Variants in COL20A1 observed in about 807,000 individuals in gnomAD.
The protein encoded by COL20A1 is collagen type XX alpha 1 chain.
In COL20A1, 164 loss-of-function variants were observed where a neutral mutation model predicts 152.9. That is an observed-to-expected ratio of 1.07 (90% CI 0.94 to 1.22). The LOEUF (loss-of-function observed/expected upper bound fraction) is 1.22. COL20A1 is among the 50% of genes most tolerant of loss of function. COL20A1 has a pLI of 0.00. For missense variants in COL20A1, 1,873 were observed against 1,744.8 expected, an observed-to-expected ratio of 1.07 and a Z score of -1.31; for synonymous variants, 864 against 756.0, an observed-to-expected ratio of 1.14 and a Z score of -2.34.
intron 26 of COL20A1, 69 bp from the exon 27 acceptor site, chr20:63,321,989 G>A: frequency 2.2e-6 from 3 of 1,336,108 alleles, no homozygotes; most frequent in Non-Finnish European, 3.1e-6. Flanking sequence ...TGGGGCTCAG[G>A]GGCTGGTCTT....
At position 63,305,055 on chromosome 20, in the gene COL20A1, C is replaced by T. The variant is rs949826718; in HGVS notation, c.194-362C>T. Among the ~76,000 whole-genome samples the T allele has an allele frequency of 6.6e-6, 1 of 152,174 alleles. No homozygotes were observed. The highest frequency in any genetic ancestry group is 1.5e-5 in the Non-Finnish European group (1 of 68,036). On this transcript the variant is annotated intron_variant, in intron 3 of 35. Coordinates refer to ENST00000358894, the MANE Select transcript of COL20A1 (RefSeq NM_020882.4). This position sits in a 1 kb window ranked among gnomAD's most constrained non-coding sequence, Gnocchi z 4.9. The stretch of plus-strand genomic sequence containing the variant: ...GTGGGAGTGGGCAGGGCCCTGGCCC[C>T]GGACTCTTCCTTCTTGGACCTGGCC...
intron 20 of COL20A1, among the ~76,000 whole-genome samples, chr20:63,315,977 T>C (rs1436150285): frequency 2.6e-5 from 4 of 152,190 alleles, no homozygotes; most frequent in Admixed American, 2.6e-4. Flanking sequence ...GGAAAGGAGC[T>C]GGGGCTTCGA....
chr20:63,325,125 C>T (rs1329830690), intron 27 of COL20A1: 1 of 496,034 alleles, frequency 2.0e-6, no homozygotes, highest in South Asian at 1.9e-5. Context: ...TGGGGCTGCC[C>T]CTGCTCCTTT....
chr20:63,307,620 T>G lies in COL20A1; in HGVS notation c.627T>G (p.Phe209Leu). ...TCCTGGCCAGTGTCATCGCACCCTT[T>G]GAAATCGGGCCGGATAAGGTCCAAG... ...KDFLASVIAP[F>L]EIGPDKVQVG... The change falls in exon 6 of 36, where the codon TTT (phenylalanine) becomes TTG (leucine). Residue 209 changes from phenylalanine to leucine, a missense_variant. Phe to Leu is a conservative substitution (Grantham distance 22, BLOSUM62 0). Transcript: ENST00000358894. The G allele has an allele frequency of 6.2e-7, 1 of 1,612,502 alleles. No homozygotes were observed. The highest frequency in any genetic ancestry group is 8.5e-7 in the Non-Finnish European group (1 of 1,179,696).
chr20:63,322,654 C>A (rs538770910), intron 27 of COL20A1, among the ~76,000 whole-genome samples: 17 of 152,378 alleles, frequency 1.1e-4, no homozygotes, highest in East Asian at 1.9e-4. Flanking sequence ...AGCAGCCCCC[C>A]ACCCCAGGCG....
rs1271170066 is a variant in COL20A1, at chr20:63,331,546, C to T, written c.*830C>T. ...CTGCCCAGGTCTCTCCCAACCATCA[C>T]AGACGCTGTGTGAGCCTGGACTTCC... On this transcript the variant is annotated 3_prime_UTR_variant, in exon 36 of 36. Coordinates refer to ENST00000358894, the MANE Select transcript of COL20A1 (RefSeq NM_020882.4). The T allele has an allele frequency of 6.6e-6, 1 of 152,356 alleles. No homozygotes were observed. Among genetic ancestry groups the T allele is most frequent in the East Asian group, 1.9e-4 (1 of 5,196 alleles). 9.4% of individuals were successfully genotyped at this position (152,356 alleles called of 1,614,324 possible). A position where few individuals can be genotyped will look rare whatever the true frequency, so the allele number is the denominator to read the frequency against.
At chr20:63,310,267 GGGGCACCC>G in intron 10 of COL20A1, 106 bp from the exon 11 acceptor site, 5 of 1,195,972 alleles carry the variant, frequency 4.2e-6, no homozygotes, top group Non-Finnish European at 5.9e-6. Flanking sequence ...TGTGGGAAGT[GGGGCACCC>G]TGCGGGCCCC....
chr20:63,330,236 T>A (rs925273281), intron 35 of COL20A1, among the ~76,000 whole-genome samples: 2 of 152,000 alleles, frequency 1.3e-5, no homozygotes, highest in African/African-American at 4.8e-5. Flanking sequence ...GGGGACAGGG[T>A]CCCAGGAGCA....
In COL20A1 at chr20:63,331,665, G is replaced by A. The variant is rs1314398266; in HGVS notation, c.*949G>A. 6.6e-6 allele frequency: 1 copy of A among 152,210 alleles called. No individual in the cohort carries two copies. The highest frequency in any genetic ancestry group is 2.4e-5 in the African/African-American group (1 of 41,440). The allele number at this position is 152,210 out of a possible 1,614,324, so 9.4% of individuals were successfully genotyped here. On this transcript the variant is annotated 3_prime_UTR_variant, in exon 36 of 36. Transcript: ENST00000358894. Reference sequence around the variant, plus strand: ...CTTGTGGCCCGTGGGGGTGATGTGGGAACTTCTACTTCCTTTCCAAACAAA... The same window carrying A: ...CTTGTGGCCCGTGGGGGTGATGTGGAAACTTCTACTTCCTTTCCAAACAAA...
rs2068039138 is a variant in COL20A1, at chr20:63,313,224, C to T, written c.2184C>T (p.Asp728=). 1 of 1,611,834 alleles carries T rather than the reference C, an allele frequency of 6.2e-7. No individual in the cohort carries two copies. Among genetic ancestry groups the T allele is most frequent in the Non-Finnish European group, 8.5e-7 (1 of 1,179,252 alleles). ...LAYYRDGARS[D]PVSLRYTPST... is the part of the protein sequence containing the mutation. ...ACTACAGGGACGGGGCCCGCAGTGACCCTGTGTCCCTCCGCTATACCCCCT... is the reference window on the plus strand; with the variant it reads ...ACTACAGGGACGGGGCCCGCAGTGATCCTGTGTCCCTCCGCTATACCCCCT... The change falls in exon 17 of 36, where the codon GAC becomes GAT. Residue 728 remains aspartate, a synonymous_variant. Coordinates refer to ENST00000358894, the MANE Select transcript of COL20A1 (RefSeq NM_020882.4). The surrounding 1 kb of genome is among the most constrained non-coding windows in gnomAD (Gnocchi z 5.9).
At chr20:63,308,131 A>G in intron 7 of COL20A1, 41 bp downstream of exon 7, 2 of 1,581,220 alleles carry the variant, frequency 1.3e-6, no homozygotes, top group Non-Finnish European at 1.7e-6. Flanking sequence ...CTGAGGGCGG[A>G]CCTCCTTCTG....
At chr20:63,323,324 G>T (rs1425025632) in intron 27 of COL20A1, among the ~76,000 whole-genome samples, 1 of 152,226 alleles carries the variant, frequency 6.6e-6, no homozygotes, top group South Asian at 2.1e-4. Flanking sequence ...TGTTTGCGAC[G>T]TGCGTTTCCA....
Position 63,293,277 on chromosome 20 carries a change from T to G in COL20A1, c.-11+2T>G, listed in dbSNP as rs1260953759. 6.6e-6 allele frequency: 1 copy of G among 151,484 alleles called. No homozygotes were observed. Among genetic ancestry groups the G allele is most frequent in the Non-Finnish European group, 1.5e-5 (1 of 67,954 alleles). The allele number at this position is 151,484 out of a possible 1,614,324, so 9.4% of individuals were successfully genotyped here. On this transcript the variant is annotated splice_donor_variant, in intron 1 of 35. Coordinates refer to ENST00000358894, the MANE Select transcript of COL20A1 (RefSeq NM_020882.4). LOFTEE classifies it low-confidence loss of function (5UTR_SPLICE). Reference sequence around the variant, plus strand: ...CTGGGGTCCCAGGAGTAGGAGGAGGTGGGTGACTTCCCTGTGGTCCTGAGG... The same window carrying G: ...CTGGGGTCCCAGGAGTAGGAGGAGGGGGGTGACTTCCCTGTGGTCCTGAGG...
rs539092169 is a variant in COL20A1 at position 63,305,797 on chromosome 20, G to A, written c.338-84G>A. 4.3e-5 allele frequency: 60 copies of A among 1,393,584 alleles called. No homozygotes were observed. Among genetic ancestry groups the A allele is most frequent in the African/African-American group, 2.9e-4 (20 of 70,162 alleles). The allele number at this position is 1,393,584 out of a possible 1,614,324, so 86.3% of individuals were successfully genotyped here. ...CTGGGCCCTCAGCACCCACAGATGC[G>A]CCCTTGAAGGGGTGTATGTGCAGCT... On this transcript the variant is annotated intron_variant, in intron 4 of 35. Transcript: ENST00000358894. The surrounding 1 kb of genome is among the most constrained non-coding windows in gnomAD (Gnocchi z 4.9).
At chr20:63,297,663 G>A (rs2067815343) in intron 2 of COL20A1, among the ~76,000 whole-genome samples, 1 of 152,228 alleles carries the variant, frequency 6.6e-6, no homozygotes, top group Non-Finnish European at 1.5e-5. Context: ...AAAGCTACCA[G>A]GGTGGCCCTG....
intron 5 of COL20A1, among the ~76,000 whole-genome samples, 185 bp from the exon 6 acceptor site, chr20:63,307,305 G>A (rs755221035): frequency 4.6e-5 from 7 of 152,240 alleles, no homozygotes; most frequent in African/African-American, 1.7e-4. Context: ...GCGGTGGCTC[G>A]ATGTGCAGCC....
Position 63,313,385 on chromosome 20 carries a change from G to A in COL20A1, c.2209+136G>A. The A allele has an allele frequency of 1.0e-6, 1 of 981,520 alleles. No homozygotes were observed. The highest frequency in any genetic ancestry group is 1.5e-6 in the Non-Finnish European group (1 of 679,612). 60.8% of individuals were successfully genotyped at this position (981,520 alleles called of 1,614,324 possible). A position where few individuals can be genotyped will look rare whatever the true frequency, so the allele number is the denominator to read the frequency against. ...CTCCAGAGCCCTGATCACTGGGCCT[G>A]GTCGTTGGAGTCTGCAGCACTTCCT... On this transcript the variant is annotated intron_variant, in intron 17 of 35. Transcript: ENST00000358894. The surrounding 1 kb of genome is among the most constrained non-coding windows in gnomAD (Gnocchi z 5.9).
chr20:63,328,527 A>T (rs2068288321), intron 34 of COL20A1, 29 bp downstream of exon 34: 2 of 1,587,586 alleles, frequency 1.3e-6, no homozygotes, highest in South Asian at 2.2e-5. Context: ...TTGGGGAGGG[A>T]GTTGTGGCCG....
At chr20:63,326,205 G>A (rs1256231818) in intron 30 of COL20A1, 56 bp downstream of exon 30, 2 of 1,449,650 alleles carry the variant, frequency 1.4e-6, no homozygotes, top group African/African-American at 1.4e-5. Context: ...GTGTTCCAGG[G>A]GTCAGGCAGA....
Sources: allele counts gnomAD v4.1 joint callset (sites outside exome capture counted in the v4.1 genomes callset), GRCh38; gene constraint gnomAD v4.1.1; non-coding constraint Gnocchi (gnomAD v3.1); transcripts MANE v1.5; gene names NCBI Gene and HGNC (gene_info 2026-07-23, HGNC 2026-07-21).